Variants in SOX5 observed in about 807,000 individuals in gnomAD.
The protein encoded by SOX5 is SRY-box transcription factor 5.
SOX5 carries 9 observed loss-of-function variants against 92.0 expected under a neutral mutation model. The observed-to-expected ratio is 0.10, with a 90% CI of 0.06 to 0.17. SOX5 has a LOEUF of 0.17. Among genes scored for constraint, SOX5 ranks in the 10% least tolerant of loss-of-function variants. The pLI is 1.00. For synonymous variants in SOX5, 344 were observed against 336.3 expected (o/e 1.02, Z -0.25); for missense variants, 642 against 944.5 (o/e 0.68, Z 4.20).
chr12:24,024,243 A>G (rs1954631813), intron 4 of SOX5, among the ~76,000 whole-genome samples: 1 of 152,042 alleles, frequency 6.6e-6, no homozygotes, highest in Non-Finnish European at 1.5e-5. Flanking sequence ...TTCCAGGACA[A>G]ACTTCTATTT....
At chr12:24,534,423 T>C (rs1333664389) in intron 1 of SOX5, among the ~76,000 whole-genome samples, 2 of 152,196 alleles carry the variant, frequency 1.3e-5, no homozygotes, top group Non-Finnish European at 1.5e-5. Flanking sequence ...AGATATAATA[T>C]GTCTAAAAGC....
At chr12:23,943,781 G>A (rs1435279147) in intron 1 of SOX5, among the ~76,000 whole-genome samples, 1 of 152,196 alleles carries the variant, frequency 6.6e-6, no homozygotes, top group Non-Finnish European at 1.5e-5. Context: ...AAATGTCTAT[G>A]AACATCTACA....
chr12:24,509,054 CT>C (rs1949063704), intron 1 of SOX5, among the ~76,000 whole-genome samples: 1 of 152,188 alleles, frequency 6.6e-6, no homozygotes, highest in Non-Finnish European at 1.5e-5. Context: ...AAATGACCTA[CT>C]TTGCTCATCC....
intron 4 of SOX5, among the ~76,000 whole-genome samples, chr12:24,147,051 T>G (rs1356437633): frequency 6.6e-6 from 1 of 152,056 alleles, no homozygotes; most frequent in East Asian, 1.9e-4. Context: ...GCTAATCACT[T>G]AAGAAAGAAA....
chr12:24,550,739 T>C (rs1953073510), intron 1 of SOX5, among the ~76,000 whole-genome samples: 1 of 152,234 alleles, frequency 6.6e-6, no homozygotes, highest in African/African-American at 2.4e-5. Context: ...AGAAAGAGGC[T>C]GCATAGATTT....
At chr12:23,753,647 T>C (rs1457974010) in intron 4 of SOX5, among the ~76,000 whole-genome samples, 1 of 151,804 alleles carries the variant, frequency 6.6e-6, no homozygotes, top group African/African-American at 2.4e-5. Context: ...CATCTTTATT[T>C]GCCTCAAAAA....
intron 3 of SOX5, among the ~76,000 whole-genome samples, chr12:23,844,320 A>G (rs2096551685): frequency 6.6e-6 from 1 of 152,206 alleles, no homozygotes; most frequent in South Asian, 2.1e-4. Flanking sequence ...GTACCATCTT[A>G]AAGTTGATAA....
chr12:23,802,331 C>T (rs1248035275), intron 3 of SOX5, among the ~76,000 whole-genome samples: 13 of 152,124 alleles, frequency 8.5e-5, no homozygotes, highest in Admixed American at 2.6e-4. Flanking sequence ...CAGCCCGTCT[C>T]GGCCTCCCAG....
chr12:24,300,944 T>C (rs1947873708), intron 2 of SOX5, among the ~76,000 whole-genome samples: 1 of 152,198 alleles, frequency 6.6e-6, no homozygotes, highest in South Asian at 2.1e-4. Context: ...AAATGATCCT[T>C]GCATAGTTTC....
At chr12:24,211,168 TC>T (rs1273723410) in intron 4 of SOX5, among the ~76,000 whole-genome samples, 6 of 152,124 alleles carry the variant, frequency 3.9e-5, no homozygotes. Flanking sequence ...GTACCTCTCT[TC>T]CCCCACATTT....
At chr12:24,407,875 G>A (rs746242907) in intron 1 of SOX5, among the ~76,000 whole-genome samples, 4 of 152,166 alleles carry the variant, frequency 2.6e-5, no homozygotes, top group Non-Finnish European at 5.9e-5. Flanking sequence ...GGAATTTCGA[G>A]GTTTCTATCC....
At chr12:24,179,703 T>C (rs1955251469) in intron 4 of SOX5, among the ~76,000 whole-genome samples, 1 of 152,216 alleles carries the variant, frequency 6.6e-6, no homozygotes, top group Non-Finnish European at 1.5e-5. Context: ...TGTAGGCTAA[T>C]GTAAGTGTTC....
chr12:24,443,461 C>G (rs879685392), intron 1 of SOX5, among the ~76,000 whole-genome samples: 3 of 152,128 alleles, frequency 2.0e-5, no homozygotes, highest in Admixed American at 2.0e-4. Context: ...ATAAACTGTT[C>G]AGCATACCAA....
intron 6 of SOX5, among the ~76,000 whole-genome samples, chr12:23,727,280 C>A (rs1300270395): frequency 6.6e-6 from 1 of 152,016 alleles, no homozygotes; most frequent in Non-Finnish European, 1.5e-5. Context: ...TTAAAAAGTT[C>A]AAAATATCAA....
intron 6 of SOX5, among the ~76,000 whole-genome samples, chr12:23,732,729 C>G (rs2093436580): frequency 6.6e-6 from 1 of 152,116 alleles, no homozygotes; most frequent in African/African-American, 2.4e-5. Context: ...AAATTCTAAG[C>G]TTTTAAAATT....
At chr12:23,809,161 A>G (rs570286589) in intron 3 of SOX5, among the ~76,000 whole-genome samples, 4 of 152,270 alleles carry the variant, frequency 2.6e-5, no homozygotes, top group African/African-American at 9.6e-5. Context: ...ACGTGTTTAT[A>G]TATTTATATA....
chr12:23,708,261 A>G (rs1264649123), intron 6 of SOX5, among the ~76,000 whole-genome samples: 2 of 151,568 alleles, frequency 1.3e-5, no homozygotes, highest in African/African-American at 2.4e-5. Flanking sequence ...GAATGTGACT[A>G]CATTTGACAT....
intron 1 of SOX5, among the ~76,000 whole-genome samples, chr12:23,898,085 T>A (rs2097195396): frequency 6.6e-6 from 1 of 152,204 alleles, no homozygotes; most frequent in African/African-American, 2.4e-5. Flanking sequence ...TAGAGATATT[T>A]AATTCCCACT....
chr12:23,728,435 G>A (rs2093251903), intron 6 of SOX5, among the ~76,000 whole-genome samples: 1 of 152,166 alleles, frequency 6.6e-6, no homozygotes, highest in African/African-American at 2.4e-5. Flanking sequence ...GCAGGGTCTT[G>A]TTGAGGGGGG....
Sources: gnomAD v4.1 joint callset for allele counts (sites outside exome capture counted in the v4.1 genomes callset) on GRCh38, gnomAD v4.1.1 for gene constraint, MANE v1.5 for transcripts, NCBI Gene and HGNC (gene_info 2026-07-23, HGNC 2026-07-21) for gene names.